The following GPM6A variants were observed in gnomAD, a reference collection of about 807,000 sequenced individuals.
The protein encoded by GPM6A is glycoprotein M6A.
Under a neutral mutation model 32.1 loss-of-function variants are expected in GPM6A, and 7 were observed. The observed-to-expected ratio is 0.22, with a 90% confidence interval of 0.12 to 0.41. GPM6A has a LOEUF of 0.41. GPM6A is among the 10% of genes least tolerant of loss of function. The pLI, the probability that GPM6A is intolerant of heterozygous loss-of-function variation, is 1.00. For synonymous variants in GPM6A, 130 were observed against 123.4 expected, an observed-to-expected ratio of 1.05 and a Z score of -0.35; for missense variants, 235 against 347.2, an observed-to-expected ratio of 0.68 and a Z score of 2.57.
intron 1 of GPM6A, among the ~76,000 whole-genome samples, chr4:175,780,210 G>A (rs1026920503): frequency 6.6e-6 from 1 of 151,982 alleles, no homozygotes; most frequent in African/African-American, 2.4e-5. Flanking sequence ...CCCACGCCCA[G>A]CTGATTTTTG....
At chr4:175,758,584 C>T (rs1732621172) in intron 1 of GPM6A, among the ~76,000 whole-genome samples, 1 of 152,134 alleles carries the variant, frequency 6.6e-6, no homozygotes, top group Middle Eastern at 3.4e-3. Flanking sequence ...GAGTAAATAG[C>T]AAATTAAATC....
chr4:175,873,769 C>A (rs1266709322), intron 1 of GPM6A, among the ~76,000 whole-genome samples: 1 of 152,142 alleles, frequency 6.6e-6, no homozygotes, highest in Non-Finnish European at 1.5e-5. Flanking sequence ...CTATTACAGA[C>A]TCTCAATATG....
rs184358139 is a variant in GPM6A at position 175,931,658 on chromosome 4, G to A, written c.-23+70651C>T. 2.7e-5 allele frequency among the ~76,000 whole-genome samples: 4 copies of A among 147,842 alleles called. No individual in the cohort carries two copies. In the East Asian group the frequency reaches 5.9e-4, roughly 22 times the overall value. ...TTAAGAGTCCATTTCTGACAGACAT[G>A]TGTTAAAAAATATACACACACACAC... On this transcript the variant is annotated intron_variant, in intron 1 of 7. Transcript: ENST00000280187.
intron 1 of GPM6A, among the ~76,000 whole-genome samples, chr4:175,753,346 G>A (rs575279521): frequency 2.7e-5 from 4 of 149,732 alleles, no homozygotes; most frequent in South Asian, 2.1e-4. Flanking sequence ...TACTAACACA[G>A]TCAGGTTAAT....
At chr4:175,798,657 T>A (rs1734333460) in intron 1 of GPM6A, 1 of 152,200 alleles carries the variant, frequency 6.6e-6, no homozygotes, top group Admixed American at 6.5e-5. Flanking sequence ...AGAGGCAACA[T>A]AACTCTTTTA....
At chr4:175,799,475 A>G (rs1734373572) in intron 1 of GPM6A, among the ~76,000 whole-genome samples, 1 of 152,132 alleles carries the variant, frequency 6.6e-6, no homozygotes, top group African/African-American at 2.4e-5. Context: ...ATTGAAGAAC[A>G]GTTTTGCTAA....
Position 175,900,703 on chromosome 4 carries a change from A to C in GPM6A, c.-22-88454T>G, listed in dbSNP as rs185340187. On this transcript the variant is annotated intron_variant, in intron 1 of 7. Transcript: ENST00000280187. ...ATACACTAGTACAACCACTATAGAA[A>C]ACCATTAAGAGCTTCCTCAGAAACC... Among the ~76,000 whole-genome samples the C allele has an allele frequency of 6.6e-5, 10 of 152,314 alleles. No homozygotes were observed. In the East Asian group the frequency reaches 1.7e-3, roughly 27 times the overall value.
chr4:175,858,828 T>C (rs778298783), intron 1 of GPM6A, among the ~76,000 whole-genome samples: 5 of 152,146 alleles, frequency 3.3e-5, no homozygotes, highest in Non-Finnish European at 7.3e-5. Context: ...AACTCAAATG[T>C]CTATGAACGA....
intron 1 of GPM6A, among the ~76,000 whole-genome samples, chr4:175,917,727 C>T (rs760962577): frequency 2.8e-4 from 42 of 151,788 alleles, no homozygotes; most frequent in African/African-American, 9.2e-4. Flanking sequence ...AGGAATGAGT[C>T]GGTGCAAAAA....
intron 2 of GPM6A, among the ~76,000 whole-genome samples, 181 bp downstream of exon 2, chr4:175,701,394 G>C (rs73002168): frequency 6.6e-6 from 1 of 152,080 alleles, no homozygotes; most frequent in Non-Finnish European, 1.5e-5. Context: ...CCTGTGCTAC[G>C]TGCCTTCTAT....
At chr4:175,757,099 G>A (rs1186634536) in intron 1 of GPM6A, among the ~76,000 whole-genome samples, 1 of 152,080 alleles carries the variant, frequency 6.6e-6, no homozygotes, top group Non-Finnish European at 1.5e-5. Context: ...GGTGTTATCT[G>A]TGTGACCAAT....
intron 1 of GPM6A, among the ~76,000 whole-genome samples, chr4:175,859,709 G>A (rs1370832695): frequency 1.3e-5 from 2 of 152,044 alleles, no homozygotes; most frequent in Non-Finnish European, 2.9e-5. Flanking sequence ...CACCAAGACA[G>A]ATGTGACAAG....
chr4:175,812,941 CAG>C (rs1734987092), upstream of GPM6A: 5 of 985,228 alleles, frequency 5.1e-6, no homozygotes, highest in South Asian at 1.9e-4. Context: ...ATTACTAAGA[CAG>C]GACTTGTAAT....
chr4:175,916,021 A>T (rs1297957561), intron 1 of GPM6A, among the ~76,000 whole-genome samples: 1 of 151,996 alleles, frequency 6.6e-6, no homozygotes, highest in Non-Finnish European at 1.5e-5. Context: ...ATTCTCTCTC[A>T]CTCAGCCTGT....
intron 1 of GPM6A, among the ~76,000 whole-genome samples, chr4:175,981,951 T>C (rs753923567): frequency 6.6e-6 from 1 of 152,102 alleles, no homozygotes. Context: ...TAAAAAAAAC[T>C]ATTCCCATAG....
At chr4:175,860,632 T>G (rs1430014342) in intron 1 of GPM6A, among the ~76,000 whole-genome samples, 1 of 152,210 alleles carries the variant, frequency 6.6e-6, no homozygotes, top group Non-Finnish European at 1.5e-5. Flanking sequence ...TATTATGGTC[T>G]ATGCTGTCAA....
upstream of GPM6A, chr4:175,812,338 T>TTTTTG: frequency 1.2e-5 from 16 of 1,328,490 alleles, no homozygotes; most frequent in Middle Eastern, 2.9e-4. Context: ...TTTTTTTTTT[T>TTTTTG]TTCCTGGGAA....
chr4:175,948,913 T>G (rs1435769320), intron 1 of GPM6A, among the ~76,000 whole-genome samples: 1 of 136,826 alleles, frequency 7.3e-6, no homozygotes, highest in African/African-American at 3.6e-5. Flanking sequence ...CTGATAAAGA[T>G]GAGATACTTT....
intron 1 of GPM6A, among the ~76,000 whole-genome samples, chr4:175,987,624 T>C (rs568833571): frequency 1.3e-5 from 2 of 152,106 alleles, no homozygotes; most frequent in Admixed American, 6.6e-5. Flanking sequence ...TTCCCTCATT[T>C]ATTCATCTCA....
Sources: gnomAD v4.1 joint callset for allele counts (sites outside exome capture counted in the v4.1 genomes callset) on GRCh38, gnomAD v4.1.1 for gene constraint, MANE v1.5 for transcripts, NCBI Gene and HGNC (gene_info 2026-07-23, HGNC 2026-07-21) for gene names.